The following GHR variants were observed in gnomAD, a reference collection of about 807,000 sequenced individuals.
GHR encodes growth hormone receptor.
A neutral mutation model predicts 67.1 loss-of-function variants in GHR; 35 were observed. The ratio of observed to expected loss-of-function variants is 0.52; its 90% CI spans 0.40 to 0.69. The LOEUF is 0.69. GHR is among the 30% of genes least tolerant of loss of function. GHR has a pLI of 0.00. For synonymous variants in GHR, 272 were observed against 269.1 expected (o/e 1.01, Z -0.10); for missense variants, 792 against 764.6 (o/e 1.04, Z -0.42).
At chr5:42,607,650 C>G (rs1752691025) in intron 2 of GHR, among the ~76,000 whole-genome samples, 1 of 152,012 alleles carries the variant, frequency 6.6e-6, no homozygotes. Flanking sequence ...ACAGGATAGA[C>G]AAGAGTGGTC....
chr5:42,648,779 G>A (rs1386353135), intron 3 of GHR, among the ~76,000 whole-genome samples: 2 of 152,040 alleles, frequency 1.3e-5, no homozygotes, highest in East Asian at 3.9e-4. Context: ...ATTGGAAATA[G>A]GGAGGTTTCC....
At chr5:42,479,517 G>A (rs1252745061) in intron 1 of GHR, among the ~76,000 whole-genome samples, 1 of 152,106 alleles carries the variant, frequency 6.6e-6, no homozygotes, top group African/African-American at 2.4e-5. Context: ...TCTGGTCCTG[G>A]ACTTTTTTTG....
chr5:42,650,213 A>G (rs1754947755), intron 3 of GHR, among the ~76,000 whole-genome samples: 1 of 152,188 alleles, frequency 6.6e-6, no homozygotes, highest in African/African-American at 2.4e-5. Context: ...TCAAAGTCAC[A>G]TAAGAGGGCA....
chr5:42,463,163 T>TA (rs1278687337), intron 1 of GHR, among the ~76,000 whole-genome samples: 2 of 152,176 alleles, frequency 1.3e-5, no homozygotes, highest in African/African-American at 4.8e-5. Flanking sequence ...CATTAAATAT[T>TA]ACTGAGATAA....
rs114025919 is a variant in GHR, at chr5:42,688,992, G to T, written c.239G>T (p.Gly80Val). 324 of 1,613,766 alleles carry T rather than the reference G, an allele frequency of 2.0e-4. 2 individuals are homozygous for T. In the African/African-American group the frequency reaches 3.4e-3, roughly 17 times the overall value. Residue 80 changes from glycine to valine, a missense_variant, in exon 4 of 10, where the codon GGA becomes GTA. Coordinates refer to ENST00000230882, the MANE Select transcript of GHR (RefSeq NM_000163.5). ...GTTCATCATGGTACAAAGAACCTAG[G>T]ACCCATACAGCTGTTCTATACCAGA... is the stretch of plus-strand genomic sequence containing the variant. ...DEVHHGTKNL[G>V]PIQLFYTRRN...
At chr5:42,517,188 A>G (rs867198987) in intron 1 of GHR, among the ~76,000 whole-genome samples, 8 of 152,232 alleles carry the variant, frequency 5.3e-5, no homozygotes, top group Middle Eastern at 3.2e-3. Context: ...TGTGAGTTTT[A>G]TACCAATGGA....
intron 3 of GHR, among the ~76,000 whole-genome samples, chr5:42,683,801 G>A (rs150750182): frequency 5.0e-4 from 76 of 152,286 alleles, no homozygotes; most frequent in African/African-American, 1.7e-3. Flanking sequence ...AGACACACAC[G>A]TCATCACATC....
intron 2 of GHR, among the ~76,000 whole-genome samples, chr5:42,576,137 ATAAAATAGTAAAG>A (rs1561136084): frequency 7.2e-5 from 7 of 96,596 alleles, no homozygotes; most frequent in East Asian, 1.9e-4. Flanking sequence ...ATAAAATAAA[ATAAAATAGTAAAG>A]TAAAATAAAA....
At chr5:42,678,392 T>C (rs1285308278) in intron 3 of GHR, among the ~76,000 whole-genome samples, 2 of 152,200 alleles carry the variant, frequency 1.3e-5, no homozygotes, top group African/African-American at 4.8e-5. Context: ...AGAGAATGAA[T>C]ATCACCATCA....
intron 1 of GHR, among the ~76,000 whole-genome samples, chr5:42,538,920 C>T (rs900898247): frequency 2.6e-5 from 4 of 151,990 alleles, no homozygotes; most frequent in Non-Finnish European, 5.9e-5. Flanking sequence ...ATTCAAAGAC[C>T]TTGTCTTCAA....
intron 2 of GHR, among the ~76,000 whole-genome samples, chr5:42,599,268 G>A (rs957783133): frequency 1.3e-5 from 2 of 151,926 alleles, no homozygotes; most frequent in Non-Finnish European, 2.9e-5. Flanking sequence ...CTAGGGCCAT[G>A]TGGACCAGAG....
chr5:42,496,901 G>A (rs1746343791), intron 1 of GHR, among the ~76,000 whole-genome samples: 1 of 152,146 alleles, frequency 6.6e-6, no homozygotes, highest in African/African-American at 2.4e-5. Context: ...ACTCTGTTGG[G>A]TCACATGCAA....
At chr5:42,576,099 T>TAAAATAAA (rs11400007) in intron 2 of GHR, among the ~76,000 whole-genome samples, 1 of 69,236 alleles carries the variant, frequency 1.4e-5, no homozygotes, top group African/African-American at 5.7e-5. Flanking sequence ...TAAAATAAAA[T>TAAAATAAA]AAATAAAATA....
At chr5:42,465,676 C>CT in intron 1 of GHR, 1 of 858,218 alleles carries the variant, frequency 1.2e-6, no homozygotes, top group Non-Finnish European at 2.0e-6. Context: ...GTTACAGGTC[C>CT]TCGTGCTTCA....
intron 2 of GHR, among the ~76,000 whole-genome samples, chr5:42,579,658 G>A (rs908121466): frequency 1.3e-5 from 2 of 152,154 alleles, no homozygotes; most frequent in South Asian, 2.1e-4. Flanking sequence ...TCCCTTGACA[G>A]CCCTAAGAAT....
chr5:42,570,283 A>G (rs1053431869), intron 2 of GHR, among the ~76,000 whole-genome samples: 9 of 152,194 alleles, frequency 5.9e-5, no homozygotes, highest in Admixed American at 2.6e-4. Flanking sequence ...ATCCAGAGGC[A>G]AGAAGAAATC....
intron 1 of GHR, among the ~76,000 whole-genome samples, chr5:42,554,999 G>C (rs908583163): frequency 1.3e-5 from 2 of 152,138 alleles, no homozygotes; most frequent in Non-Finnish European, 2.9e-5. Flanking sequence ...CCAAGTCCAA[G>C]CTATTACACC....
intron 1 of GHR, among the ~76,000 whole-genome samples, chr5:42,459,496 A>T (rs1744397784): frequency 6.6e-6 from 1 of 152,158 alleles, no homozygotes; most frequent in Non-Finnish European, 1.5e-5. Flanking sequence ...AGAGCAACAG[A>T]CAGTGGGGCC....
Position 42,536,017 on chromosome 5 carries a change from T to A in GHR, c.-11-29847T>A, listed in dbSNP as rs778477611. On this transcript the variant is annotated intron_variant, in intron 1 of 9. Coordinates refer to ENST00000230882, the MANE Select transcript of GHR (RefSeq NM_000163.5). Reference sequence around the variant, plus strand: ...CTGATTTGTGTACATTAATCTTGTATCTGGACATGTTGCTGAATTCTTTTA... The same window carrying A: ...CTGATTTGTGTACATTAATCTTGTAACTGGACATGTTGCTGAATTCTTTTA... Among the ~76,000 whole-genome samples, 8 of 152,168 alleles carry A rather than the reference T, an allele frequency of 5.3e-5. No individual in the cohort carries two copies. In the South Asian group the frequency reaches 1.0e-3, roughly 20 times the overall value.
Sources: gnomAD v4.1 joint callset for allele counts (sites outside exome capture counted in the v4.1 genomes callset) on GRCh38, gnomAD v4.1.1 for gene constraint, MANE v1.5 for transcripts, NCBI Gene and HGNC (gene_info 2026-07-23, HGNC 2026-07-21) for gene names.